SIRT5: variants seen among roughly 807,000 people sequenced by gnomAD.
The protein encoded by SIRT5 is NAD-dependent protein deacylase sirtuin-5, mitochondrial.
A neutral mutation model predicts 40.0 loss-of-function variants in SIRT5; 26 were observed. The observed-to-expected ratio is 0.65, with a 90% CI of 0.48 to 0.90. The LOEUF (loss-of-function observed/expected upper bound fraction) is 0.90. SIRT5 is among the 40% of genes least tolerant of loss of function. The pLI, the probability that SIRT5 is intolerant of heterozygous loss-of-function variation, is 0.00. For missense variants in SIRT5, 401 were observed against 402.4 expected (o/e 1.00, Z 0.03); for synonymous variants, 146 against 149.1 (o/e 0.98, Z 0.15).
chr6:13,588,108 G>A (rs757421523), intron 3 of SIRT5, among the ~76,000 whole-genome samples: 14 of 152,320 alleles, frequency 9.2e-5, no homozygotes, highest in African/African-American at 1.9e-4. Context: ...GCAGAGCTGC[G>A]GTGCAGAGCC....
Position 13,588,355 on chromosome 6 carries a change from T to C in SIRT5, c.140T>C (p.Phe47Ser). 1 of 1,614,040 alleles carries C rather than the reference T, an allele frequency of 6.2e-7. No homozygotes were observed. The highest frequency in any genetic ancestry group is 1.1e-5 in the South Asian group (1 of 91,032). Residue 47 changes from phenylalanine (F) to serine (S), a missense_variant, in exon 4 of 10, where the codon TTT becomes TCT. Coordinates refer to ENST00000606117, the MANE Select transcript of SIRT5 (RefSeq NM_012241.5). ...SSSMADFRKF[F>S]AKAKHIVIIS... is the part of the protein sequence containing the mutation. ...GGTATGGCAGATTTTCGAAAGTTTTTTGCAAAAGCAAAGCACATAGTCATC... is the reference window on the plus strand; with the variant it reads ...GGTATGGCAGATTTTCGAAAGTTTTCTGCAAAAGCAAAGCACATAGTCATC...
At chr6:13,601,757 A>G (rs1243814290) in intron 9 of SIRT5, among the ~76,000 whole-genome samples, 1 of 152,060 alleles carries the variant, frequency 6.6e-6, no homozygotes, top group East Asian at 1.9e-4. Flanking sequence ...CAGCCCAGAC[A>G]TCATCATTTT....
chr6:13,608,442 C>T (rs889149208), intron 9 of SIRT5, among the ~76,000 whole-genome samples: 1 of 152,178 alleles, frequency 6.6e-6, no homozygotes, highest in African/African-American at 2.4e-5. Flanking sequence ...AAAAACTAGC[C>T]AGGCGTGGTG....
At position 13,612,325 on chromosome 6, in the gene SIRT5, T is replaced by C. The variant is rs1764015082; in HGVS notation, c.*460T>C. The stretch of plus-strand genomic sequence containing the variant: ...TGTATAAAGACATTACCCCACGATA[T>C]GGCTTTATTAGGGACTTTTTTTTTT... On this transcript the variant is annotated 3_prime_UTR_variant, in exon 10 of 10. Transcript: ENST00000606117. 1 of 151,284 alleles carries C rather than the reference T, an allele frequency of 6.6e-6. No individual in the cohort carries two copies. The highest frequency in any genetic ancestry group is 2.1e-4 in the South Asian group (1 of 4,776). The allele number at this position is 151,284 out of a possible 1,614,324, so 9.4% of individuals were successfully genotyped here. A position where few individuals can be genotyped will look rare whatever the true frequency, so the allele number is the denominator to read the frequency against.
chr6:13,595,470 T>G lies in SIRT5; in HGVS notation c.476-7T>G. ...AATTCTGGATTTGCTTCATATGTAT[T>G]TTTCAGGTAGCTTATTTAAAACTCG... On this transcript the variant is annotated splice_polypyrimidine_tract_variant and splice_region_variant and intron_variant, in intron 5 of 9. Transcript: ENST00000606117. 6.2e-7 allele frequency: 1 copy of G among 1,611,364 alleles called. No homozygotes were observed. The highest frequency in any genetic ancestry group is 8.5e-7 in the Non-Finnish European group (1 of 1,177,474).
Position 13,588,345 on chromosome 6 carries a change from C to T in SIRT5, c.130C>T (p.Arg44Ter), listed in dbSNP as rs145857339. 272 of 1,613,582 alleles carry T rather than the reference C, an allele frequency of 1.7e-4. 1 individual carries two copies. Among genetic ancestry groups the T allele is most frequent in the Middle Eastern group, 3.3e-4 (2 of 6,078 alleles). The change falls in exon 4 of 10, where the codon CGA (arginine) becomes TGA (stop). Residue 44 changes from arginine (R) to a stop codon, truncating the protein, a stop_gained. Coordinates refer to ENST00000606117, the MANE Select transcript of SIRT5 (RefSeq NM_012241.5). LOFTEE classifies it high-confidence loss of function. The part of the protein sequence containing the change: ...ARPSSSMADF[R>*]KFFAKAKHIV... ...ACTCTGTTTAGGTATGGCAGATTTT[C>T]GAAAGTTTTTTGCAAAAGCAAAGCA...
In SIRT5 at chr6:13,584,095, C is replaced by G; in HGVS notation, c.-16C>G. ...CTAAAGCCCGCCTCAAGCATTAGAACTACAGACAAACCCTGATGCGACCTC... is the reference window on the plus strand; with the variant it reads ...CTAAAGCCCGCCTCAAGCATTAGAAGTACAGACAAACCCTGATGCGACCTC... On this transcript the variant is annotated 5_prime_UTR_variant, in exon 3 of 10. Coordinates refer to ENST00000606117, the MANE Select transcript of SIRT5 (RefSeq NM_012241.5). 1 of 1,602,728 alleles carries G rather than the reference C, an allele frequency of 6.2e-7. No homozygotes were observed. The highest frequency in any genetic ancestry group is 1.7e-5 in the Admixed American group (1 of 59,954).
At chr6:13,611,074 A>G (rs987003163) in intron 9 of SIRT5, among the ~76,000 whole-genome samples, 6 of 151,628 alleles carry the variant, frequency 4.0e-5, no homozygotes, top group Admixed American at 1.3e-4. Flanking sequence ...AGCTAGTCAG[A>G]AAGTTCAACA....
intron 8 of SIRT5, among the ~76,000 whole-genome samples, chr6:13,599,952 T>G (rs913075476): frequency 6.6e-6 from 1 of 152,276 alleles, no homozygotes; most frequent in African/African-American, 2.4e-5. Flanking sequence ...TCAATATGTC[T>G]AAATCAATAT....
chr6:13,576,472 G>T (rs1241128720), intron 1 of SIRT5, among the ~76,000 whole-genome samples: 1 of 152,118 alleles, frequency 6.6e-6, no homozygotes, highest in South Asian at 2.1e-4. Context: ...ACCTGTTCAG[G>T]TTCTTTGTCC....
At chr6:13,604,475 G>A (rs954640749) in intron 9 of SIRT5, 2 of 1,542,324 alleles carry the variant, frequency 1.3e-6, no homozygotes, top group African/African-American at 2.7e-5. Flanking sequence ...TTTCTTTTCA[G>A]TCATTTGATC....
chr6:13,583,743 C>G (rs2841511), intron 2 of SIRT5, among the ~76,000 whole-genome samples: 47,622 of 152,076 alleles, frequency 0.31, 7,577 homozygotes, highest in African/African-American at 0.34. Flanking sequence ...GATTCAGCAG[C>G]TCTGAGGTGG....
At position 13,595,432 on chromosome 6, in the gene SIRT5, C is replaced by G; in HGVS notation, c.476-45C>G. 2.1e-6 allele frequency: 3 copies of G among 1,437,512 alleles called. 1 individual carries two copies. The South Asian group carries it at 3.4e-5, about 16-fold the overall frequency. 89.0% of individuals were successfully genotyped at this position (1,437,512 alleles called of 1,614,324 possible). A position where few individuals can be genotyped will look rare whatever the true frequency, so the allele number is the denominator to read the frequency against. The stretch of plus-strand genomic sequence containing the variant: ...CCTTTTAGACATGGAGAAGGTTGCT[C>G]TTGATTATACTAAATTCTGGATTTG... On this transcript the variant is annotated intron_variant, in intron 5 of 9. Coordinates refer to ENST00000606117, the MANE Select transcript of SIRT5 (RefSeq NM_012241.5).
At chr6:13,610,781 C>A (rs1431102801) in intron 9 of SIRT5, among the ~76,000 whole-genome samples, 1 of 152,112 alleles carries the variant, frequency 6.6e-6, no homozygotes, top group Non-Finnish European at 1.5e-5. Flanking sequence ...ACTGGAGATG[C>A]CGTGTAGTCT....
At chr6:13,575,546 AATT>A (rs1289523744) in intron 1 of SIRT5, among the ~76,000 whole-genome samples, 1 of 151,596 alleles carries the variant, frequency 6.6e-6, no homozygotes, top group Non-Finnish European at 1.5e-5. Flanking sequence ...ATATTTATAT[AATT>A]ATTTTTATTG....
Position 13,595,518 on chromosome 6 carries a change from G to A in SIRT5, c.517G>A (p.Ala173Thr), listed in dbSNP as rs148020996. ...TCGATGTACCTCTTGTGGAGTTGTGGCTGAGAATTACAAGAGTCCAATTTG... is the reference window on the plus strand; with the variant it reads ...TCGATGTACCTCTTGTGGAGTTGTGACTGAGAATTACAAGAGTCCAATTTG... Reference protein sequence around the residue: ...KTRCTSCGVVAENYKSPICPA... With the variant: ...KTRCTSCGVVTENYKSPICPA... The change falls in exon 6 of 10, where the codon GCT becomes ACT. Residue 173 changes from alanine (A) to threonine (T), a missense_variant. Physicochemically the swap from Ala to Thr is moderately conservative, Grantham distance 58. Coordinates refer to ENST00000606117, the MANE Select transcript of SIRT5 (RefSeq NM_012241.5). The A allele has an allele frequency of 1.4e-4, 232 of 1,614,130 alleles. No homozygotes were observed. In the African/African-American group the frequency reaches 2.4e-3, roughly 17 times the overall value.
chr6:13,609,558 C>T (rs534707391), intron 9 of SIRT5, among the ~76,000 whole-genome samples: 12 of 152,294 alleles, frequency 7.9e-5, no homozygotes, highest in Admixed American at 2.6e-4. Flanking sequence ...GTCCAGAAAT[C>T]CCTTATCTGA....
At chr6:13,603,366 A>G (rs1219617703) in intron 9 of SIRT5, among the ~76,000 whole-genome samples, 2 of 152,060 alleles carry the variant, frequency 1.3e-5, no homozygotes, top group African/African-American at 4.8e-5. Flanking sequence ...ATTTGTATCC[A>G]GGATATATAA....
At position 13,591,779 on chromosome 6, in the gene SIRT5, C is replaced by T. The variant is rs1044593487; in HGVS notation, c.360C>T (p.Ala120=). 1.9e-6 allele frequency: 3 copies of T among 1,614,128 alleles called. No individual in the cohort carries two copies. The highest frequency in any genetic ancestry group is 1.6e-4 in the Middle Eastern group (1 of 6,062). ...AGGAGCCCAACGCCGGGCACCGCGC[C>T]ATAGCCGAGTGTGAGACCCGGCTGG... The part of the protein sequence containing the change: ...GSKEPNAGHR[A]IAECETRLGK... The change falls in exon 5 of 10, where the codon GCC becomes GCT. Residue 120 remains alanine (A), a synonymous_variant. Transcript: ENST00000606117.
Sources: allele counts gnomAD v4.1 joint callset (sites outside exome capture counted in the v4.1 genomes callset), GRCh38; gene constraint gnomAD v4.1.1; transcripts MANE v1.5; gene names NCBI Gene and HGNC (gene_info 2026-07-23, HGNC 2026-07-21).